The following SIN3A variants were observed in gnomAD, a reference collection of about 807,000 sequenced individuals.
SIN3A encodes the protein paired amphipathic helix protein Sin3a.
Under a neutral mutation model 146.1 loss-of-function variants are expected in SIN3A, and 14 were observed. The ratio of observed to expected loss-of-function variants is 0.10; its 90% CI spans 0.06 to 0.15. SIN3A has a LOEUF of 0.15. Among genes scored for constraint, SIN3A ranks in the 10% least tolerant of loss-of-function variants. The probability of loss-of-function intolerance (pLI) is 1.00; values close to 1 mark genes in which losing one functional copy is unlikely to be tolerated. For synonymous variants in SIN3A, 572 were observed against 572.0 expected (o/e 1.00, Z 0.00); for missense variants, 1,028 against 1,576.0 (o/e 0.65, Z 5.89).
At chr15:75,419,711 G>A (rs982558236) in intron 3 of SIN3A, 9 of 151,834 alleles carry the variant, frequency 5.9e-5, no homozygotes, top group Non-Finnish European at 1.2e-4. Context: ...TGTAATCCCA[G>A]CTATTTGGGA....
chr15:75,387,926 C>G (rs1170574262), intron 16 of SIN3A, among the ~76,000 whole-genome samples: 2 of 152,122 alleles, frequency 1.3e-5, no homozygotes, highest in African/African-American at 4.8e-5. Flanking sequence ...GAAGGCCTAA[C>G]AACTTCTTCA....
chr15:75,435,771 T>C lies in SIN3A; in HGVS notation c.-33-5363A>G, dbSNP rs527743432. ...TACAGCATGATCTCATGTATGTATA[T>C]ATACACATACAAAATGTACTAAAGA... On this transcript the variant is annotated intron_variant, in intron 1 of 20. Transcript: ENST00000394947. Among the ~76,000 whole-genome samples the C allele has an allele frequency of 3.0e-4, 45 of 151,776 alleles. No homozygotes were observed. The South Asian group carries it at 5.0e-3, about 17-fold the overall frequency.
intron 13 of SIN3A, 51 bp from the exon 14 acceptor site, chr15:75,394,914 A>G (rs767644076): frequency 2.0e-6 from 3 of 1,535,214 alleles, no homozygotes; most frequent in Middle Eastern, 1.9e-4. Flanking sequence ...CAGAGGGTTT[A>G]GAAGAAAGAA....
intron 1 of SIN3A, among the ~76,000 whole-genome samples, chr15:75,435,419 C>T (rs1313362211): frequency 6.6e-6 from 1 of 152,178 alleles, no homozygotes; most frequent in Non-Finnish European, 1.5e-5. Context: ...CAGGCTAGGC[C>T]GGATGCAGTG....
chr15:75,412,661 CTTTG>C lies in SIN3A; in HGVS notation c.756+98_756+101del, dbSNP rs2073662099. The C allele has an allele frequency of 9.3e-6, 11 of 1,184,120 alleles. No homozygotes were observed. The East Asian group carries it at 2.7e-4, about 29-fold the overall frequency. 73.4% of individuals were successfully genotyped at this position (1,184,120 alleles called of 1,614,324 possible). On this transcript the variant is annotated intron_variant, in intron 5 of 20. Coordinates refer to ENST00000394947, the MANE Select transcript of SIN3A (RefSeq NM_001145358.2). ...TTTTTCTATGACGAAATCTTTGTAA[CTTTG>C]TTTCTCAGTATCTAAGTCTTATATA... is the stretch of plus-strand genomic sequence containing the variant.
chr15:75,391,636 G>A (rs1031923034), intron 15 of SIN3A, among the ~76,000 whole-genome samples: 1 of 152,118 alleles, frequency 6.6e-6, no homozygotes, highest in Non-Finnish European at 1.5e-5. Flanking sequence ...ACTGGAAGCA[G>A]GCAGCACAAA....
intron 1 of SIN3A, among the ~76,000 whole-genome samples, chr15:75,435,059 A>G (rs745535036): frequency 6.6e-6 from 1 of 152,100 alleles, no homozygotes; most frequent in Non-Finnish European, 1.5e-5. Flanking sequence ...GGTACAGCCT[A>G]TTTAGCTGGC....
intron 19 of SIN3A, among the ~76,000 whole-genome samples, chr15:75,378,107 T>C (rs1317894591): frequency 6.6e-6 from 1 of 152,218 alleles, no homozygotes; most frequent in Non-Finnish European, 1.5e-5. Flanking sequence ...TATCAACATT[T>C]AGTAGGTGTG....
chr15:75,392,233 G>A lies in SIN3A; in HGVS notation c.2851+9C>T, dbSNP rs371072277. 118 of 1,608,468 alleles carry A rather than the reference G, an allele frequency of 7.3e-5. 1 individual carries two copies. Among genetic ancestry groups the A allele is most frequent in the South Asian group, 6.4e-4 (58 of 90,666 alleles). On this transcript the variant is annotated intron_variant, in intron 15 of 20. Transcript: ENST00000394947. The stretch of plus-strand genomic sequence containing the variant: ...ACATCCTCTGTAAATCAGAGGTCTC[G>A]GCACTCACTAGGTTCTTTGAGACGT...
chr15:75,448,006 T>A (rs2074336402), intron 1 of SIN3A: 1 of 151,908 alleles, frequency 6.6e-6, no homozygotes, highest in Admixed American at 6.6e-5. Flanking sequence ...GGACTTCACC[T>A]CTATAAAAAT....
At chr15:75,375,608 C>G (rs993758890) in intron 20 of SIN3A, 57 bp downstream of exon 20, 1 of 1,393,904 alleles carries the variant, frequency 7.2e-7, no homozygotes, top group East Asian at 2.3e-5. Context: ...TCTGGGCCTC[C>G]CCTGGTCCTA....
chr15:75,396,654 G>C (rs1342000191), intron 12 of SIN3A, among the ~76,000 whole-genome samples, 158 bp from the exon 13 acceptor site: 3 of 152,102 alleles, frequency 2.0e-5, no homozygotes, highest in Non-Finnish European at 2.9e-5. Context: ...GCAAAATAGG[G>C]ATAACAGCAC....
At position 75,372,220 on chromosome 15, in the gene SIN3A, G is replaced by GA. The variant is rs749375306; in HGVS notation, c.3592-12dup. ...TACACGCTCATGGGACTGCAAAACA[G>GA]AAAAAAAAAATTTTATTAAATGAAG... is the stretch of plus-strand genomic sequence containing the variant. On this transcript the variant is annotated splice_polypyrimidine_tract_variant and intron_variant, in intron 20 of 20. Transcript: ENST00000394947. 3.1e-4 allele frequency: 463 copies of GA among 1,501,332 alleles called. No homozygotes were observed. Among genetic ancestry groups the GA allele is most frequent in the South Asian group, 6.8e-4 (52 of 76,602 alleles). 93.0% of individuals were successfully genotyped at this position (1,501,332 alleles called of 1,614,324 possible).
rs776766580 is a variant in SIN3A, at chr15:75,392,095, A to AT, written c.2851+146dup. 3.8e-4 allele frequency: 284 copies of AT among 746,780 alleles called. 1 individual carries two copies. Among genetic ancestry groups the AT allele is most frequent in the Non-Finnish European group, 5.3e-4 (244 of 460,834 alleles). The allele number at this position is 746,780 out of a possible 1,614,324, so 46.3% of individuals were successfully genotyped here. ...AACACCACAAGCAACTAGAGCCTCC[A>AT]TTTTTCAGATAAACAGGTTCAGAGA... On this transcript the variant is annotated intron_variant, in intron 15 of 20. Coordinates refer to ENST00000394947, the MANE Select transcript of SIN3A (RefSeq NM_001145358.2).
Position 75,414,266 on chromosome 15 carries a change from C to A in SIN3A, c.412G>T (p.Gly138Cys). ...TCATTGTAGACCTGAGGCTGACTACCAAACTGCAGCTTCACCTGGTCAAGA... is the reference window on the plus strand; with the variant it reads ...TCATTGTAGACCTGAGGCTGACTACAAAACTGCAGCTTCACCTGGTCAAGA... ...SYLDQVKLQFGSQPQVYNDFL... is the reference protein window; with the variant it reads ...SYLDQVKLQFCSQPQVYNDFL... The change falls in exon 4 of 21, where the codon GGT becomes TGT. Residue 138 changes from glycine to cysteine, a missense_variant. Physicochemically the swap from Gly to Cys is radical, Grantham distance 159. Around this residue, in one of 9 missense-constraint regions of SIN3A, gnomAD observed 152 missense variants for 231.5 expected, o/e 0.66. Coordinates refer to ENST00000394947, the MANE Select transcript of SIN3A (RefSeq NM_001145358.2). 6.4e-7 allele frequency: 1 copy of A among 1,560,616 alleles called. No homozygotes were observed. Among genetic ancestry groups the A allele is most frequent in the Non-Finnish European group, 8.7e-7 (1 of 1,145,722 alleles).
At position 75,401,981 on chromosome 15, in the gene SIN3A, C is replaced by A; in HGVS notation, c.1408-11G>T. 1 of 1,540,018 alleles carries A rather than the reference C, an allele frequency of 6.5e-7. No individual in the cohort carries two copies. The highest frequency in any genetic ancestry group is 1.1e-5 in the South Asian group (1 of 88,824). ...AAGAGCCTTTCGGACCTTATGGAGACAACGGGAAGAAAAACAGTTTTTGTT... is the reference window on the plus strand; with the variant it reads ...AAGAGCCTTTCGGACCTTATGGAGAAAACGGGAAGAAAAACAGTTTTTGTT... On this transcript the variant is annotated splice_polypyrimidine_tract_variant and intron_variant, in intron 9 of 20. Transcript: ENST00000394947.
At chr15:75,408,101 A>C (rs2073553305) in intron 8 of SIN3A, among the ~76,000 whole-genome samples, 1 of 152,102 alleles carries the variant, frequency 6.6e-6, no homozygotes, top group Non-Finnish European at 1.5e-5. Context: ...CTCAGAGTAT[A>C]CTTTCTTAAG....
intron 1 of SIN3A, chr15:75,446,176 C>G (rs903141497): frequency 2.6e-5 from 4 of 151,852 alleles, no homozygotes; most frequent in Non-Finnish European, 5.9e-5. Context: ...GTATCAAGAA[C>G]AAAAGGCAAG....
intron 9 of SIN3A, among the ~76,000 whole-genome samples, chr15:75,406,035 C>G (rs2073506038): frequency 6.6e-6 from 1 of 152,144 alleles, no homozygotes; most frequent in South Asian, 2.1e-4. Flanking sequence ...AGAAAGGGAT[C>G]AGGAGATACT....
Sources: gnomAD v4.1 joint callset for allele counts (sites outside exome capture counted in the v4.1 genomes callset) on GRCh38, gnomAD v4.1.1 for gene constraint, gnomAD v4.1.1 regional missense constraint, MANE v1.5 for transcripts, NCBI Gene and HGNC (gene_info 2026-07-23, HGNC 2026-07-21) for gene names.